Variants in KCNJ6 observed in about 807,000 individuals in gnomAD.
KCNJ6 encodes the protein G protein-activated inward rectifier potassium channel 2.
In KCNJ6, 9 loss-of-function variants were observed where a neutral mutation model predicts 34.2. The ratio of observed to expected loss-of-function variants is 0.26; its 90% confidence interval spans 0.16 to 0.46. The LOEUF (loss-of-function observed/expected upper bound fraction) is 0.46. Ranked by LOEUF, KCNJ6 falls within the 20% of genes least tolerant of loss-of-function variation. The pLI is 1.00. For synonymous variants in KCNJ6, 196 were observed against 207.1 expected, an observed-to-expected ratio of 0.95 and a Z score of 0.46; for missense variants, 236 against 531.3, an observed-to-expected ratio of 0.44 and a Z score of 5.46.
chr21:37,654,802 T>A (rs940098814), intron 3 of KCNJ6, among the ~76,000 whole-genome samples: 16 of 152,154 alleles, frequency 1.1e-4, no homozygotes, highest in African/African-American at 3.9e-4. Flanking sequence ...TGCATCTTCA[T>A]CCTGTCTGCA....
At chr21:37,751,787 T>C (rs1258855868) in intron 2 of KCNJ6, among the ~76,000 whole-genome samples, 1 of 152,148 alleles carries the variant, frequency 6.6e-6, no homozygotes, top group African/African-American at 2.4e-5. Context: ...CAATGTAGTG[T>C]AAGCTCCTTC....
At chr21:37,785,414 C>T (rs902584264) in intron 2 of KCNJ6, among the ~76,000 whole-genome samples, 6 of 152,228 alleles carry the variant, frequency 3.9e-5, no homozygotes, top group Non-Finnish European at 1.5e-5. Flanking sequence ...CAAAGGCTCA[C>T]CGTGATCCTC....
At chr21:37,842,162 G>A (rs1201546325) in intron 1 of KCNJ6, among the ~76,000 whole-genome samples, 3 of 152,214 alleles carry the variant, frequency 2.0e-5, no homozygotes, top group South Asian at 2.1e-4. Flanking sequence ...TTTTGTTTAC[G>A]GACAACTGTA....
intron 3 of KCNJ6, among the ~76,000 whole-genome samples, chr21:37,668,459 C>G (rs1046940647): frequency 4.7e-5 from 2 of 42,698 alleles, no homozygotes; most frequent in Admixed American, 4.5e-4. Context: ...ATCTCCTATT[C>G]TTATAAGGAC....
intron 1 of KCNJ6, among the ~76,000 whole-genome samples, chr21:37,902,854 C>T (rs2055823519): frequency 6.6e-6 from 1 of 152,202 alleles, no homozygotes; most frequent in Non-Finnish European, 1.5e-5. Context: ...ACATCTAACT[C>T]AAGAAGCCAC....
intron 2 of KCNJ6, among the ~76,000 whole-genome samples, chr21:37,749,521 G>A (rs572216824): frequency 7.9e-5 from 12 of 152,174 alleles, no homozygotes; most frequent in Non-Finnish European, 1.5e-4. Flanking sequence ...CCTGGAGCCC[G>A]GCTGTCATTC....
At chr21:37,890,036 C>A (rs1025591229) in intron 1 of KCNJ6, among the ~76,000 whole-genome samples, 3 of 152,076 alleles carry the variant, frequency 2.0e-5, no homozygotes, top group African/African-American at 7.2e-5. Context: ...GATAAATCAG[C>A]CTGAAAAATT....
At chr21:37,633,674 T>G (rs1740104986) in intron 3 of KCNJ6, among the ~76,000 whole-genome samples, 3 of 151,824 alleles carry the variant, frequency 2.0e-5, no homozygotes. Context: ...CAGCAACAAA[T>G]AAAAGACATA....
At chr21:37,704,800 A>C (rs2054710795) in intron 3 of KCNJ6, among the ~76,000 whole-genome samples, 2 of 152,238 alleles carry the variant, frequency 1.3e-5, no homozygotes, top group African/African-American at 2.4e-5. Context: ...CAGGGAATTC[A>C]GAGTCAAAAT....
intron 1 of KCNJ6, among the ~76,000 whole-genome samples, chr21:37,911,517 A>G (rs555708426): frequency 6.6e-6 from 1 of 152,340 alleles, no homozygotes; most frequent in South Asian, 2.1e-4. Context: ...CACTGAATTT[A>G]AACATCTTAA....
intron 3 of KCNJ6, among the ~76,000 whole-genome samples, chr21:37,686,633 AATTTTTGT>A (rs1343083044): frequency 1.3e-5 from 2 of 151,634 alleles, no homozygotes; most frequent in Non-Finnish European, 2.9e-5. Flanking sequence ...ATGCCTGGCT[AATTTTTGT>A]ATTTTTGTAG....
rs138976833 is a variant in KCNJ6 at position 37,704,252 on chromosome 21, C to T, written c.946+9959G>A. On this transcript the variant is annotated intron_variant, in intron 3 of 3. Coordinates refer to ENST00000609713, the MANE Select transcript of KCNJ6 (RefSeq NM_002240.5). The stretch of plus-strand genomic sequence containing the variant: ...TCCTTAACATCATCTAGGGGGATCA[C>T]GAACCAGCAGCATATTTGTTCCCCT... Among the ~76,000 whole-genome samples, 467 of 116,542 alleles carry T rather than the reference C, an allele frequency of 4.0e-3. 7 individuals carry two copies. The highest frequency in any genetic ancestry group is 0.012 in the African/African-American group (437 of 36,870). The allele number at this position is 116,542 out of a possible 152,430, so 76.5% of individuals were successfully genotyped here. A position where few individuals can be genotyped will look rare whatever the true frequency, so the allele number is the denominator to read the frequency against.
At chr21:37,703,132 T>C (rs2054700250) in intron 3 of KCNJ6, among the ~76,000 whole-genome samples, 1 of 152,174 alleles carries the variant, frequency 6.6e-6, no homozygotes, top group Admixed American at 6.5e-5. Context: ...CTTTGTTTGT[T>C]CTTTGAGGTG....
At chr21:37,912,222 A>C (rs954016840) in intron 1 of KCNJ6, among the ~76,000 whole-genome samples, 6 of 152,220 alleles carry the variant, frequency 3.9e-5, no homozygotes, top group African/African-American at 1.4e-4. Flanking sequence ...TCCTTAACAA[A>C]TCTTACTTGA....
chr21:37,666,757 T>C (rs937658278), intron 3 of KCNJ6, among the ~76,000 whole-genome samples: 1 of 151,916 alleles, frequency 6.6e-6, no homozygotes, highest in South Asian at 2.1e-4. Context: ...TGTTACTGTG[T>C]CTGTGTAGAA....
chr21:37,819,260 T>C (rs1021081845), intron 2 of KCNJ6, among the ~76,000 whole-genome samples: 1 of 151,920 alleles, frequency 6.6e-6, no homozygotes. Flanking sequence ...AAAAAAAATG[T>C]AGGATCAGAT....
chr21:37,678,242 G>C (rs1197376511), intron 3 of KCNJ6, among the ~76,000 whole-genome samples: 1 of 152,208 alleles, frequency 6.6e-6, no homozygotes, highest in Non-Finnish European at 1.5e-5. Flanking sequence ...TCGTTGGGCT[G>C]CTGAAGTGAA....
intron 1 of KCNJ6, among the ~76,000 whole-genome samples, chr21:37,893,019 A>T (rs1269854703): frequency 3.3e-5 from 5 of 149,472 alleles, no homozygotes; most frequent in East Asian, 2.0e-4. Flanking sequence ...AGGCCAGCTA[A>T]TTTTTTTTGT....
chr21:37,831,373 C>T (rs1019354503), intron 2 of KCNJ6, among the ~76,000 whole-genome samples: 1 of 152,172 alleles, frequency 6.6e-6, no homozygotes, highest in Non-Finnish European at 1.5e-5. Context: ...GATGAAGAAG[C>T]ATAAACGAAG....
Sources: allele counts gnomAD v4.1 joint callset (sites outside exome capture counted in the v4.1 genomes callset), GRCh38; gene constraint gnomAD v4.1.1; transcripts MANE v1.5; gene names NCBI Gene and HGNC (gene_info 2026-07-23, HGNC 2026-07-21).